IL1RAPL1: variants seen among roughly 807,000 people sequenced by gnomAD.
IL1RAPL1 encodes the protein interleukin 1 receptor accessory protein like 1.
Under a neutral mutation model 48.4 loss-of-function variants are expected in IL1RAPL1, and 3 were observed. The observed-to-expected ratio is 0.06, with a 90% CI of 0.03 to 0.16. IL1RAPL1 has a LOEUF of 0.16. Ranked by LOEUF, IL1RAPL1 falls within the 10% of genes least tolerant of loss-of-function variation. The pLI, the probability that IL1RAPL1 is intolerant of heterozygous loss-of-function variation, is 1.00. For synonymous variants in IL1RAPL1, 185 were observed against 187.7 expected (o/e 0.99, Z 0.12); for missense variants, 349 against 530.6 (o/e 0.66, Z 3.36).
chrX:29,367,657 TG>T (rs1933484134), intron 3 of IL1RAPL1, among the ~76,000 whole-genome samples: 1 of 108,830 alleles, frequency 9.2e-6, no homozygotes, highest in Admixed American at 1.0e-4. Context: ...ATTGGCTCAG[TG>T]CAACCTCTGC....
intron 2 of IL1RAPL1, among the ~76,000 whole-genome samples, chrX:28,984,120 A>G (rs966209810): frequency 5.3e-5 from 6 of 112,215 alleles, no homozygotes; most frequent in Admixed American, 9.5e-5. Context: ...GAAATTTTCA[A>G]TATCTGCACT....
At chrX:28,838,008 G>C (rs192702601) in intron 2 of IL1RAPL1, among the ~76,000 whole-genome samples, 2 of 110,760 alleles carry the variant, frequency 1.8e-5, no homozygotes, top group African/African-American at 6.5e-5. Context: ...ACTAAGTGTA[G>C]ATTATGTATC....
chrX:29,145,406 C>T (rs1371931823), intron 2 of IL1RAPL1, among the ~76,000 whole-genome samples: 1 of 112,342 alleles, frequency 8.9e-6, no homozygotes, highest in Admixed American at 9.4e-5. Context: ...ATAATAGATG[C>T]TTTCAGGCAA....
chrX:28,679,045 T>C (rs1373140847), intron 1 of IL1RAPL1, among the ~76,000 whole-genome samples: 3 of 112,076 alleles, frequency 2.7e-5, no homozygotes, highest in Admixed American at 9.5e-5. Context: ...CTAATTCACA[T>C]TCCCAACAAC....
intron 6 of IL1RAPL1, among the ~76,000 whole-genome samples, chrX:29,892,682 G>A (rs1360069119): frequency 8.9e-6 from 1 of 112,188 alleles, no homozygotes; most frequent in Non-Finnish European, 1.9e-5. Flanking sequence ...CCATGGAATG[G>A]CAGGTTAGAT....
intron 2 of IL1RAPL1, among the ~76,000 whole-genome samples, chrX:28,865,401 G>A (rs892884189): frequency 1.0e-4 from 11 of 106,304 alleles, no homozygotes; most frequent in South Asian, 4.3e-4. Context: ...ATCATGCCAC[G>A]GTACTCCAGC....
chrX:28,759,194 C>T (rs939514255), intron 1 of IL1RAPL1, among the ~76,000 whole-genome samples: 7 of 109,677 alleles, frequency 6.4e-5, no homozygotes, highest in African/African-American at 1.7e-4. Flanking sequence ...GGTGAGATCA[C>T]GCCATTGCAC....
chrX:29,388,506 C>T (rs1933813858), intron 3 of IL1RAPL1, among the ~76,000 whole-genome samples: 2 of 112,000 alleles, frequency 1.8e-5, no homozygotes, highest in Admixed American at 1.9e-4. Flanking sequence ...TTCACAATAG[C>T]TAAAATGTGA....
intron 8 of IL1RAPL1, among the ~76,000 whole-genome samples, chrX:29,926,212 C>G (rs948434053): frequency 1.8e-5 from 2 of 112,165 alleles, no homozygotes; most frequent in African/African-American, 6.5e-5. Flanking sequence ...TTTGGTCACA[C>G]AGTTTTCTTC....
chrX:29,616,371 C>T (rs761139202), intron 5 of IL1RAPL1, among the ~76,000 whole-genome samples: 13 of 106,948 alleles, frequency 1.2e-4, no homozygotes, highest in Middle Eastern at 4.8e-3. Context: ...GGTACATGTG[C>T]GCAATGTGTA....
chrX:29,226,444 CTTTTTT>C (rs57929074), intron 2 of IL1RAPL1, among the ~76,000 whole-genome samples: 4 of 86,891 alleles, frequency 4.6e-5, no homozygotes, highest in Admixed American at 2.6e-4. Flanking sequence ...TTCTTTCTTT[CTTTTTT>C]TTTTTTTTTT....
At chrX:29,789,266 A>G (rs2147161389) in intron 6 of IL1RAPL1, among the ~76,000 whole-genome samples, 1 of 111,993 alleles carries the variant, frequency 8.9e-6, no homozygotes, top group South Asian at 3.7e-4. Flanking sequence ...TTTCTTTTCT[A>G]TTAAATCTCA....
chrX:29,250,588 C>G (rs1294212247), intron 2 of IL1RAPL1, among the ~76,000 whole-genome samples: 1 of 111,619 alleles, frequency 9.0e-6, no homozygotes, highest in African/African-American at 3.3e-5. Context: ...TAAATGTTCT[C>G]TTGTTCCTTA....
At chrX:28,931,054 A>G (rs1923869003) in intron 2 of IL1RAPL1, among the ~76,000 whole-genome samples, 1 of 111,475 alleles carries the variant, frequency 9.0e-6, no homozygotes, top group Admixed American at 9.6e-5. Flanking sequence ...GAAAATGTGT[A>G]TGCAGATAAC....
At chrX:29,337,596 A>G (rs770530845) in intron 3 of IL1RAPL1, among the ~76,000 whole-genome samples, 2 of 111,880 alleles carry the variant, frequency 1.8e-5, no homozygotes, top group East Asian at 5.6e-4. Context: ...TGTGATAATG[A>G]TATATGAATT....
intron 2 of IL1RAPL1, among the ~76,000 whole-genome samples, chrX:28,855,102 T>A (rs1018486598): frequency 7.2e-5 from 8 of 111,748 alleles, no homozygotes; most frequent in South Asian, 7.5e-4. Flanking sequence ...TCACTGCAAC[T>A]TCCGCCTCCC....
intron 2 of IL1RAPL1, among the ~76,000 whole-genome samples, chrX:28,984,670 G>A (rs1236564176): frequency 1.8e-5 from 2 of 110,671 alleles, no homozygotes; most frequent in Non-Finnish European, 3.8e-5. Flanking sequence ...CACCTTTTAA[G>A]ATCTGTCTCT....
intron 2 of IL1RAPL1, among the ~76,000 whole-genome samples, chrX:28,939,137 G>A (rs768830160): frequency 9.0e-6 from 1 of 110,661 alleles, no homozygotes; most frequent in South Asian, 3.8e-4. Context: ...ATTCCTCAAA[G>A]ACCTAAAAAC....
At chrX:29,066,967 G>T (rs975836827) in intron 2 of IL1RAPL1, among the ~76,000 whole-genome samples, 2 of 111,578 alleles carry the variant, frequency 1.8e-5, no homozygotes, top group Admixed American at 1.9e-4. Flanking sequence ...GGTGCAGAGT[G>T]GGGAGGAAGG....
Sources: allele counts gnomAD v4.1 joint callset (sites outside exome capture counted in the v4.1 genomes callset), GRCh38; gene constraint gnomAD v4.1.1; transcripts MANE v1.5; gene names NCBI Gene and HGNC (gene_info 2026-07-23, HGNC 2026-07-21).